ERC2: variants seen among roughly 807,000 people sequenced by gnomAD.
ERC2 encodes the protein ELKS/RAB6-interacting/CAST family member 2.
Under a neutral mutation model 114.8 loss-of-function variants are expected in ERC2, and 42 were observed. That is an observed-to-expected ratio of 0.37 (90% CI 0.29 to 0.47). The LOEUF is 0.47. Among genes scored for constraint, ERC2 ranks in the 20% least tolerant of loss-of-function variants. The probability of loss-of-function intolerance (pLI) is 0.99; values close to 1 mark genes in which losing one functional copy is unlikely to be tolerated. For missense variants in ERC2, 939 were observed against 1,150.7 expected, an observed-to-expected ratio of 0.82 and a Z score of 2.66; for synonymous variants, 454 against 425.5, an observed-to-expected ratio of 1.07 and a Z score of -0.82.
chr3:56,398,129 A>G (rs917810995), intron 2 of ERC2, among the ~76,000 whole-genome samples: 2 of 152,230 alleles, frequency 1.3e-5, no homozygotes, highest in African/African-American at 2.4e-5. Context: ...ATGTGGGGGA[A>G]AATAGAATTG....
chr3:56,385,279 C>T (rs1410949984), intron 2 of ERC2, among the ~76,000 whole-genome samples: 3 of 152,066 alleles, frequency 2.0e-5, no homozygotes, highest in African/African-American at 7.2e-5. Context: ...TTACTGTGTC[C>T]TCATATTGTA....
intron 3 of ERC2, among the ~76,000 whole-genome samples, chr3:56,175,006 A>G (rs2150028982): frequency 6.6e-6 from 1 of 151,958 alleles, no homozygotes; most frequent in Non-Finnish European, 1.5e-5. Flanking sequence ...AGGACATGTT[A>G]ATGTAAAAGC....
intron 11 of ERC2, among the ~76,000 whole-genome samples, chr3:55,988,361 G>T (rs1223416832): frequency 6.6e-6 from 1 of 152,196 alleles, no homozygotes; most frequent in Admixed American, 6.5e-5. Flanking sequence ...CCACTGGGCC[G>T]TGCAAGAGTT....
intron 2 of ERC2, among the ~76,000 whole-genome samples, chr3:56,308,406 T>C (rs1420753365): frequency 6.6e-6 from 1 of 152,138 alleles, no homozygotes; most frequent in Non-Finnish European, 1.5e-5. Flanking sequence ...GAAGGAAAAA[T>C]ACACTTTGCC....
At chr3:55,963,466 A>G (rs929138241) in intron 12 of ERC2, among the ~76,000 whole-genome samples, 30 of 152,204 alleles carry the variant, frequency 2.0e-4, no homozygotes, top group Non-Finnish European at 3.5e-4. Flanking sequence ...GACTATAGAG[A>G]TACTAGGTAA....
In ERC2 at chr3:55,644,115, T is replaced by C. The variant is rs1575907146; in HGVS notation, c.*39+39679A>G. Reference sequence around the variant, plus strand: ...CCAGTGGCCGGCCAGTCCACCCAAGTTAGAGCATCAATGAGCTGTCAACTA... The same window carrying C: ...CCAGTGGCCGGCCAGTCCACCCAAGCTAGAGCATCAATGAGCTGTCAACTA... On this transcript the variant is annotated intron_variant, in intron 17 of 17. Coordinates refer to ENST00000288221, the MANE Select transcript of ERC2 (RefSeq NM_015576.3). 2.0e-5 allele frequency among the ~76,000 whole-genome samples: 3 copies of C among 152,226 alleles called. 1 individual carries two copies. In the South Asian group the frequency reaches 6.2e-4, roughly 32 times the overall value.
intron 2 of ERC2, among the ~76,000 whole-genome samples, chr3:56,331,879 G>T (rs961469393): frequency 1.4e-4 from 21 of 152,136 alleles, no homozygotes; most frequent in African/African-American, 5.1e-4. Flanking sequence ...CTAGGCAGAT[G>T]GATAAGAAAA....
At chr3:55,859,562 CT>C (rs1328070057) in intron 14 of ERC2, among the ~76,000 whole-genome samples, 1 of 152,048 alleles carries the variant, frequency 6.6e-6, no homozygotes, top group African/African-American at 2.4e-5. Context: ...TCAGGAAAAG[CT>C]GTCATTACAA....
At chr3:55,925,398 T>C (rs2065688111) in intron 13 of ERC2, among the ~76,000 whole-genome samples, 1 of 152,010 alleles carries the variant, frequency 6.6e-6, no homozygotes, top group African/African-American at 2.4e-5. Context: ...CAAGAGAAGA[T>C]GAAGATCAGA....
intron 14 of ERC2, among the ~76,000 whole-genome samples, chr3:55,799,437 T>TTA (rs1553682483): frequency 1.2e-4 from 12 of 103,286 alleles, no homozygotes; most frequent in South Asian, 3.3e-4. Flanking sequence ...TATATATGCC[T>TTA]TATATATATA....
intron 16 of ERC2, among the ~76,000 whole-genome samples, chr3:55,686,862 G>C (rs1467830734): frequency 2.0e-5 from 3 of 152,188 alleles, no homozygotes; most frequent in African/African-American, 7.2e-5. Flanking sequence ...ATATCTGGAT[G>C]GGAAGAAAGA....
At chr3:55,872,932 T>A (rs1479334737) in intron 14 of ERC2, among the ~76,000 whole-genome samples, 1 of 152,176 alleles carries the variant, frequency 6.6e-6, no homozygotes, top group Non-Finnish European at 1.5e-5. Flanking sequence ...CAGGGGTGAT[T>A]TTGCCCTCTA....
At chr3:56,045,823 C>T (rs2075426615) in intron 7 of ERC2, among the ~76,000 whole-genome samples, 1 of 152,034 alleles carries the variant, frequency 6.6e-6, no homozygotes, top group Admixed American at 6.6e-5. Context: ...CACACCAGCA[C>T]CCAAATGATT....
chr3:56,091,276 G>A (rs2077772985), intron 6 of ERC2, among the ~76,000 whole-genome samples: 2 of 152,082 alleles, frequency 1.3e-5, no homozygotes, highest in South Asian at 4.1e-4. Context: ...TGGCAGAACT[G>A]AGGATTTGTA....
At chr3:55,737,068 G>T (rs1189595128) in intron 14 of ERC2, among the ~76,000 whole-genome samples, 1 of 152,136 alleles carries the variant, frequency 6.6e-6, no homozygotes, top group Non-Finnish European at 1.5e-5. Context: ...CTAAAACCTG[G>T]TCATGATCCT....
chr3:55,782,706 G>C (rs569461345), intron 14 of ERC2, among the ~76,000 whole-genome samples: 1 of 152,264 alleles, frequency 6.6e-6, no homozygotes, highest in Admixed American at 6.5e-5. Context: ...TGTTAAGCAA[G>C]GCCAACTGAC....
chr3:55,791,535 A>G (rs1011936238), intron 14 of ERC2, among the ~76,000 whole-genome samples: 1 of 152,194 alleles, frequency 6.6e-6, no homozygotes, highest in Non-Finnish European at 1.5e-5. Context: ...GTATGCTGAG[A>G]AATGTCTGAG....
chr3:55,545,056 C>T (rs2054648227), intron 17 of ERC2, among the ~76,000 whole-genome samples: 1 of 152,196 alleles, frequency 6.6e-6, no homozygotes, highest in African/African-American at 2.4e-5. Context: ...TATTGTCAGT[C>T]ATCATTTTCC....
At chr3:55,571,975 A>G (rs925690057) in intron 17 of ERC2, among the ~76,000 whole-genome samples, 1 of 152,094 alleles carries the variant, frequency 6.6e-6, no homozygotes, top group African/African-American at 2.4e-5. Flanking sequence ...CAGGCCACCT[A>G]CCTGGGCCGA....
Sources: allele counts gnomAD v4.1 joint callset (sites outside exome capture counted in the v4.1 genomes callset), GRCh38; gene constraint gnomAD v4.1.1; transcripts MANE v1.5; gene names NCBI Gene and HGNC (gene_info 2026-07-23, HGNC 2026-07-21).